FSTL5: variants seen among roughly 807,000 people sequenced by gnomAD.
FSTL5 encodes follistatin like 5.
FSTL5 carries 62 observed loss-of-function variants against 89.1 expected under a neutral mutation model. The ratio of observed to expected loss-of-function variants is 0.70; its 90% CI spans 0.57 to 0.86. The LOEUF is 0.86. Among genes scored for constraint, FSTL5 ranks in the 40% least tolerant of loss-of-function variants. The pLI is 0.00. For missense variants in FSTL5, 1,057 were observed against 1,001.6 expected (o/e 1.06, Z -0.75); for synonymous variants, 383 against 346.2 (o/e 1.11, Z -1.18).
chr4:161,748,470 A>G (rs915857804), intron 6 of FSTL5, among the ~76,000 whole-genome samples: 2 of 152,132 alleles, frequency 1.3e-5, no homozygotes, highest in African/African-American at 4.8e-5. Flanking sequence ...AGAGGTAACA[A>G]TATTCTAGAG....
chr4:162,114,559 C>T (rs867994922), intron 1 of FSTL5, among the ~76,000 whole-genome samples: 1 of 106,390 alleles, frequency 9.4e-6, no homozygotes, highest in Non-Finnish European at 2.0e-5. Context: ...CACACACACA[C>T]ACACACACAT....
chr4:161,765,340 T>C (rs776403150), intron 5 of FSTL5, among the ~76,000 whole-genome samples: 7 of 152,216 alleles, frequency 4.6e-5, no homozygotes, highest in Non-Finnish European at 1.0e-4. Context: ...TGCTTATTTA[T>C]TTGTATTTAC....
chr4:161,661,905 A>G (rs1736726231), intron 6 of FSTL5, among the ~76,000 whole-genome samples: 1 of 152,214 alleles, frequency 6.6e-6, no homozygotes, highest in Admixed American at 6.5e-5. Flanking sequence ...TTATTCTTAA[A>G]AGCATTAGAG....
chr4:161,753,862 G>A (rs1740481643), intron 6 of FSTL5, among the ~76,000 whole-genome samples: 1 of 151,868 alleles, frequency 6.6e-6, no homozygotes, highest in African/African-American at 2.4e-5. Flanking sequence ...CTATCACGGT[G>A]AAACCCCCTC....
intron 15 of FSTL5, among the ~76,000 whole-genome samples, chr4:161,395,670 T>C (rs1018236870): frequency 2.6e-5 from 4 of 152,126 alleles, no homozygotes; most frequent in South Asian, 2.1e-4. Context: ...AGAAAAACTG[T>C]GGGAGATTTT....
intron 2 of FSTL5, among the ~76,000 whole-genome samples, chr4:162,102,687 T>A (rs1731046795): frequency 6.9e-6 from 1 of 145,556 alleles, no homozygotes; most frequent in African/African-American, 2.5e-5. Context: ...AACATATTTA[T>A]ATTTATATAA....
Position 162,087,846 on chromosome 4 carries a change from T to C in FSTL5, c.126+23425A>G, listed in dbSNP as rs1730382262. Reference sequence around the variant, plus strand: ...ACTTGACAGAATCACTATTTAAGTGTATGAATCAATGAGATACATTCAGTT... The same window carrying C: ...ACTTGACAGAATCACTATTTAAGTGCATGAATCAATGAGATACATTCAGTT... On this transcript the variant is annotated intron_variant, in intron 2 of 15. Transcript: ENST00000306100. 2.6e-5 allele frequency among the ~76,000 whole-genome samples: 4 copies of C among 152,152 alleles called. No homozygotes were observed. The South Asian group carries it at 6.2e-4, about 24-fold the overall frequency.
At chr4:161,883,804 C>T (rs968519035) in intron 4 of FSTL5, among the ~76,000 whole-genome samples, 4 of 152,044 alleles carry the variant, frequency 2.6e-5, no homozygotes, top group African/African-American at 4.8e-5. Context: ...ATGATGTTAC[C>T]GGCAGAGCGG....
chr4:161,445,195 G>A (rs552142705), intron 15 of FSTL5, among the ~76,000 whole-genome samples: 2 of 151,990 alleles, frequency 1.3e-5, no homozygotes, highest in South Asian at 2.1e-4. Context: ...AGGACAAAAG[G>A]AAAGTTAGAG....
At chr4:161,736,022 T>C (rs968755440) in intron 6 of FSTL5, among the ~76,000 whole-genome samples, 2 of 152,138 alleles carry the variant, frequency 1.3e-5, no homozygotes, top group Non-Finnish European at 2.9e-5. Context: ...TCTATTTTCA[T>C]GTTCAGGAAT....
chr4:161,828,511 G>A (rs577675779), intron 4 of FSTL5, among the ~76,000 whole-genome samples: 32 of 152,206 alleles, frequency 2.1e-4, no homozygotes, highest in Middle Eastern at 3.4e-3. Flanking sequence ...AGTCTGATAA[G>A]TTCTTTGGGA....
chr4:161,864,457 A>G (rs1256203700), intron 4 of FSTL5, among the ~76,000 whole-genome samples: 1 of 152,218 alleles, frequency 6.6e-6, no homozygotes, highest in Non-Finnish European at 1.5e-5. Flanking sequence ...AAATGTAGCA[A>G]TTATTCTAGG....
At chr4:162,131,510 G>A (rs1335450868) in intron 1 of FSTL5, among the ~76,000 whole-genome samples, 1 of 152,044 alleles carries the variant, frequency 6.6e-6, no homozygotes, top group African/African-American at 2.4e-5. Context: ...TTGCATTCAC[G>A]TTCCAAAAGA....
intron 2 of FSTL5, among the ~76,000 whole-genome samples, chr4:162,095,504 T>G (rs1490061084): frequency 6.6e-6 from 1 of 152,048 alleles, no homozygotes; most frequent in Non-Finnish European, 1.5e-5. Context: ...GAATGTCGAA[T>G]CCTGGGAGGT....
intron 2 of FSTL5, among the ~76,000 whole-genome samples, chr4:162,105,805 T>C (rs1337986814): frequency 6.6e-6 from 1 of 152,144 alleles, no homozygotes; most frequent in Non-Finnish European, 1.5e-5. Flanking sequence ...CCAAACTGCT[T>C]CCTGACCTCT....
intron 15 of FSTL5, among the ~76,000 whole-genome samples, chr4:161,451,691 A>G (rs1296493590): frequency 2.0e-5 from 3 of 152,228 alleles, no homozygotes; most frequent in Non-Finnish European, 4.4e-5. Flanking sequence ...TACTGTAGTT[A>G]CTGGTTCCAC....
At chr4:161,992,882 A>ATGTG (rs1553989511) in intron 3 of FSTL5, among the ~76,000 whole-genome samples, 7 of 19,974 alleles carry the variant, frequency 3.5e-4, no homozygotes, top group African/African-American at 8.9e-4. Context: ...ATATATATAT[A>ATGTG]TATATATATA....
At chr4:161,424,024 C>CTTAT (rs1732083953) in intron 15 of FSTL5, among the ~76,000 whole-genome samples, 1 of 75,378 alleles carries the variant, frequency 1.3e-5, no homozygotes, top group African/African-American at 5.6e-5. Flanking sequence ...GCCCATCATT[C>CTTAT]TTTTTTTTTT....
chr4:161,409,976 T>G (rs1014476987), intron 15 of FSTL5, among the ~76,000 whole-genome samples: 11 of 152,248 alleles, frequency 7.2e-5, no homozygotes, highest in African/African-American at 2.6e-4. Flanking sequence ...CCATCTGCTC[T>G]CCTCAAGAGA....
Sources: gnomAD v4.1 joint callset for allele counts (sites outside exome capture counted in the v4.1 genomes callset) on GRCh38, gnomAD v4.1.1 for gene constraint, MANE v1.5 for transcripts, NCBI Gene and HGNC (gene_info 2026-07-23, HGNC 2026-07-21) for gene names.